SMARCB1: variants seen among roughly 807,000 people sequenced by gnomAD.
SMARCB1 encodes SWI/SNF related BAF chromatin remodeling complex subunit B1, also known as SWI/SNF-related matrix-associated actin-dependent regulator of chromatin subfamily B member 1.
In SMARCB1, 5 loss-of-function variants were observed where a neutral mutation model predicts 49.0. The observed-to-expected ratio is 0.10, with a 90% CI of 0.05 to 0.21. The LOEUF (loss-of-function observed/expected upper bound fraction) is 0.21. SMARCB1 is among the 10% of genes least tolerant of loss of function. The probability of loss-of-function intolerance (pLI) is 1.00; values close to 1 mark genes in which losing one functional copy is unlikely to be tolerated. For synonymous variants in SMARCB1, 201 were observed against 200.1 expected (o/e 1.00, Z -0.04); for missense variants, 226 against 509.2 (o/e 0.44, Z 5.35).
At chr22:23,795,139 A>T (rs1340372184) in intron 3 of SMARCB1, among the ~76,000 whole-genome samples, 1 of 152,032 alleles carries the variant, frequency 6.6e-6, no homozygotes, top group Admixed American at 6.6e-5. Context: ...TTCCAAGCAT[A>T]AGACTGGGCA....
At chr22:23,816,542 A>AG in intron 5 of SMARCB1, 1 of 616,582 alleles carries the variant, frequency 1.6e-6, no homozygotes, top group Non-Finnish European at 2.9e-6. Context: ...GGCCATGACC[A>AG]CCCCCAGGGC....
Position 23,797,454 on chromosome 22 carries a change from G to GTCT in SMARCB1, c.363-3489_363-3487dup, listed in dbSNP as rs534010306. ...CTCCCGAGTAGCTGGAACTACAGGT[G>GTCT]TCTGTCACCACGCCCGTCTAATTTT... On this transcript the variant is annotated intron_variant, in intron 3 of 8. Transcript: ENST00000644036. Among the ~76,000 whole-genome samples, 739 of 150,174 alleles carry GTCT rather than the reference G, an allele frequency of 4.9e-3. 19 individuals carry two copies. In the South Asian group the frequency reaches 0.084, roughly 17 times the overall value.
Position 23,791,868 on chromosome 22 carries a change from G to C in SMARCB1, c.206G>C (p.Gly69Ala), listed in dbSNP as rs2145960559. 1 of 1,614,160 alleles carries C rather than the reference G, an allele frequency of 6.2e-7. No individual in the cohort carries two copies. Among genetic ancestry groups the C allele is most frequent in the Non-Finnish European group, 8.5e-7 (1 of 1,179,992 alleles). Residue 69 changes from glycine to alanine, a missense_variant, in exon 2 of 9, where the codon GGT becomes GCT. Gly to Ala is a moderately conservative substitution (Grantham distance 60). This residue lies in a region of SMARCB1 where 128 missense variants were observed against 263.9 expected (regional missense o/e 0.49). Coordinates refer to ENST00000644036, the MANE Select transcript of SMARCB1 (RefSeq NM_003073.5). The stretch of plus-strand genomic sequence containing the variant: ...AAGAAAATAGTTGCATCGTCACATG[G>C]TAAAAAAACAAAACCTAACACTAAG... ...ERKKIVASSH[G>A]KKTKPNTKDH...
At position 23,787,148 on chromosome 22, in the gene SMARCB1, G is replaced by C. The variant is rs1290357084; in HGVS notation, c.-22G>C. The C allele has an allele frequency of 6.4e-7, 1 of 1,561,106 alleles. No individual in the cohort carries two copies. Among genetic ancestry groups the C allele is most frequent in the Admixed American group, 1.7e-5 (1 of 59,496 alleles). On this transcript the variant is annotated 5_prime_UTR_variant, in exon 1 of 9. Transcript: ENST00000644036. ...CCTGATCCCTCGCAGCCCGGCTCCG[G>C]CCGCCCGCCTCTGCCGCCGCAATGA...
Position 23,837,279 on chromosome 22 carries a change from A to G in SMARCB1, c.*3099A>G. On this transcript the variant is annotated 3_prime_UTR_variant, in exon 9 of 9. Coordinates refer to ENST00000644036, the MANE Select transcript of SMARCB1 (RefSeq NM_003073.5). Reference sequence around the variant, plus strand: ...CAGGCCCCACAGCATGAGTGCCCCAAAGCCTTGCACAGAGTGCCAGCCCCG... The same window carrying G: ...CAGGCCCCACAGCATGAGTGCCCCAGAGCCTTGCACAGAGTGCCAGCCCCG... 1 of 1,260,950 alleles carries G rather than the reference A, an allele frequency of 7.9e-7. No homozygotes were observed. Among genetic ancestry groups the G allele is most frequent in the Non-Finnish European group, 1.1e-6 (1 of 899,760 alleles). 78.1% of individuals were successfully genotyped at this position (1,260,950 alleles called of 1,614,324 possible). A position where few individuals can be genotyped will look rare whatever the true frequency, so the allele number is the denominator to read the frequency against.
rs2030884963 is a variant in SMARCB1 at position 23,834,566 on chromosome 22, C to T, written c.*386C>T. ...GTTTTAACATAAAAATAATGAGAGC[C>T]AGGAGTGGGGCCGGGGCCTGGGGGG... On this transcript the variant is annotated 3_prime_UTR_variant, in exon 9 of 9. Transcript: ENST00000644036. 2.2e-5 allele frequency: 15 copies of T among 682,542 alleles called. No individual in the cohort carries two copies. The highest frequency in any genetic ancestry group is 2.1e-4 in the South Asian group (14 of 66,608). 42.3% of individuals were successfully genotyped at this position (682,542 alleles called of 1,614,324 possible).
intron 6 of SMARCB1, among the ~76,000 whole-genome samples, chr22:23,819,242 C>T (rs1325177211): frequency 6.6e-6 from 1 of 152,180 alleles, no homozygotes; most frequent in Non-Finnish European, 1.5e-5. Context: ...ACTTGGGTTG[C>T]TTCCACATTT....
Position 23,836,781 on chromosome 22 carries a change from T to C in SMARCB1, c.*2601T>C, listed in dbSNP as rs1236834223. Reference sequence around the variant, plus strand: ...GGTGGGCCCTTGCATGGGCCCAGCCTTTAGGATGGGTTTTTTCTGCCCCAA... The same window carrying C: ...GGTGGGCCCTTGCATGGGCCCAGCCCTTAGGATGGGTTTTTTCTGCCCCAA... On this transcript the variant is annotated 3_prime_UTR_variant, in exon 9 of 9. Coordinates refer to ENST00000644036, the MANE Select transcript of SMARCB1 (RefSeq NM_003073.5). The C allele has an allele frequency of 7.1e-7, 1 of 1,411,914 alleles. No homozygotes were observed. The highest frequency in any genetic ancestry group is 1.5e-5 in the African/African-American group (1 of 68,154). 87.5% of individuals were successfully genotyped at this position (1,411,914 alleles called of 1,614,324 possible). A position where few individuals can be genotyped will look rare whatever the true frequency, so the allele number is the denominator to read the frequency against.
At chr22:23,810,625 A>G (rs8135708) in intron 5 of SMARCB1, among the ~76,000 whole-genome samples, 6,418 of 152,148 alleles carry the variant, frequency 0.042, 427 homozygotes, top group African/African-American at 0.15. Flanking sequence ...GAAAAAATGT[A>G]GATAAATAAA....
intron 3 of SMARCB1, among the ~76,000 whole-genome samples, chr22:23,799,021 G>A (rs1224976696): frequency 6.8e-6 from 1 of 148,090 alleles, no homozygotes; most frequent in African/African-American, 2.5e-5. Context: ...CTGTACTCCA[G>A]CCCAGGCGAC....
intron 5 of SMARCB1, among the ~76,000 whole-genome samples, chr22:23,812,210 C>CT (rs1929913370): frequency 6.6e-6 from 1 of 152,128 alleles, no homozygotes; most frequent in Non-Finnish European, 1.5e-5. Context: ...AATCCCAGCT[C>CT]TTTGGGAGGC....
Position 23,834,520 on chromosome 22 carries a change from G to A in SMARCB1, c.*340G>A, listed in dbSNP as rs2030881652. Reference sequence around the variant, plus strand: ...AGGTCATGTTCAATTTCTTCAACAGGTCATGTTCAATTTCTTCAAAGTTTT... The same window carrying A: ...AGGTCATGTTCAATTTCTTCAACAGATCATGTTCAATTTCTTCAAAGTTTT... On this transcript the variant is annotated 3_prime_UTR_variant, in exon 9 of 9. Transcript: ENST00000644036. The A allele has an allele frequency of 1.7e-6, 1 of 578,736 alleles. No homozygotes were observed. 35.9% of individuals were successfully genotyped at this position (578,736 alleles called of 1,614,324 possible).
intron 5 of SMARCB1, 72 bp from the exon 6 acceptor site, chr22:23,816,698 G>C (rs567421781): frequency 7.1e-7 from 1 of 1,417,006 alleles, no homozygotes; most frequent in South Asian, 1.1e-5. Flanking sequence ...CAAAGAAGAA[G>C]GGGTGAGGGA....
chr22:23,830,649 C>CTTTTTTTTTTTTTTTTTTTT (rs56800497), intron 7 of SMARCB1, among the ~76,000 whole-genome samples: 18 of 95,422 alleles, frequency 1.9e-4, no homozygotes, highest in East Asian at 1.1e-3. Context: ...TCCAATTTAT[C>CTTTTTTTTTTTTTTTTTTTT]TTTTTTTTTT....
intron 8 of SMARCB1, 25 bp downstream of exon 8, chr22:23,833,728 G>A (rs2146043061): frequency 1.2e-6 from 2 of 1,613,518 alleles, no homozygotes; most frequent in Non-Finnish European, 1.7e-6. Context: ...GTGGTCCTGG[G>A]CTCTGCCCAC....
At chr22:23,801,765 C>T (rs1422267857) in intron 4 of SMARCB1, 11 of 214,810 alleles carry the variant, frequency 5.1e-5, no homozygotes, top group East Asian at 3.3e-4. Flanking sequence ...TTCACTTAAT[C>T]GTATCTTCAA....
intron 5 of SMARCB1, among the ~76,000 whole-genome samples, chr22:23,812,280 A>C (rs1455199837): frequency 1.3e-5 from 2 of 152,176 alleles, no homozygotes; most frequent in Non-Finnish European, 1.5e-5. Flanking sequence ...ACATAGCAGG[A>C]TCCAATCTCT....
Position 23,837,124 on chromosome 22 carries a change from A to G in SMARCB1, c.*2944A>G, listed in dbSNP as rs755702007. 9 of 1,613,972 alleles carry G rather than the reference A, an allele frequency of 5.6e-6. No homozygotes were observed. In the East Asian group the frequency reaches 2.0e-4, roughly 36 times the overall value. On this transcript the variant is annotated 3_prime_UTR_variant, in exon 9 of 9. Transcript: ENST00000644036. ...AGGCTGGTTGGGGAAGACGTCCTCC[A>G]GGAAGTAGTAGATATGGCCCACCGC...
At position 23,834,990 on chromosome 22, in the gene SMARCB1, G is replaced by A; in HGVS notation, c.*810G>A. ...TGGGCTGTCGCCAGCCTGGGTGCAG[G>A]AGGGCTGTTCTAGCTCCAGTGGCAC... On this transcript the variant is annotated 3_prime_UTR_variant, in exon 9 of 9. Coordinates refer to ENST00000644036, the MANE Select transcript of SMARCB1 (RefSeq NM_003073.5). 2.7e-6 allele frequency: 4 copies of A among 1,505,584 alleles called. No individual in the cohort carries two copies. Among genetic ancestry groups the A allele is most frequent in the Non-Finnish European group, 3.5e-6 (4 of 1,129,594 alleles). 93.3% of individuals were successfully genotyped at this position (1,505,584 alleles called of 1,614,324 possible).
Sources: gnomAD v4.1 joint callset for allele counts (sites outside exome capture counted in the v4.1 genomes callset) on GRCh38, gnomAD v4.1.1 for gene constraint, gnomAD v4.1.1 regional missense constraint, MANE v1.5 for transcripts, NCBI Gene and HGNC (gene_info 2026-07-23, HGNC 2026-07-21) for gene names.